Variants in ZNF695 observed in about 807,000 individuals in gnomAD.
The protein encoded by ZNF695 is zinc finger protein 695, also known as zinc finger protein SBZF3.
Under a neutral mutation model 11.2 loss-of-function variants are expected in ZNF695, and 11 were observed. The ratio of observed to expected loss-of-function variants is 0.98; its 90% CI spans 0.62 to 1.62. ZNF695 has a LOEUF of 1.62. Among genes scored for constraint, ZNF695 ranks in the 40% most tolerant of loss-of-function variants. ZNF695 has a pLI of 0.00. For synonymous variants in ZNF695, 190 were observed against 201.4 expected (o/e 0.94, Z 0.48); for missense variants, 559 against 590.5 (o/e 0.95, Z 0.55).
intron 5 of ZNF695, among the ~76,000 whole-genome samples, chr1:246,952,187 G>T (rs1409648483): frequency 6.6e-6 from 1 of 152,060 alleles, no homozygotes; most frequent in South Asian, 2.1e-4. Context: ...AGCCTCAAGT[G>T]ATCTGCCTGC....
intron 5 of ZNF695, among the ~76,000 whole-genome samples, chr1:246,956,302 T>G (rs1237593491): frequency 6.6e-6 from 1 of 151,598 alleles, no homozygotes; most frequent in Non-Finnish European, 1.5e-5. Flanking sequence ...GGATCATTAT[T>G]TTTAAAAAAA....
At chr1:246,945,678 G>T in exon 6 of ZNF695, 1 of 977,364 alleles carries the variant, frequency 1.0e-6, no homozygotes. Flanking sequence ...TAGATTCTGT[G>T]GGAGGCATGT....
intron 5 of ZNF695, among the ~76,000 whole-genome samples, chr1:246,957,149 G>A (rs1432490810): frequency 2.0e-5 from 3 of 152,104 alleles, no homozygotes. Context: ...TTGGGAGACC[G>A]AGGCCGGCAG....
chr1:246,989,347 A>G (rs1668957441), intron 3 of ZNF695, among the ~76,000 whole-genome samples: 1 of 152,234 alleles, frequency 6.6e-6, no homozygotes, highest in South Asian at 2.1e-4. Context: ...AGAAACAGCA[A>G]AAAGTTAAAA....
chr1:246,986,836 T>G lies in ZNF695; in HGVS notation c.*131A>C. 7.0e-7 allele frequency: 1 copy of G among 1,437,688 alleles called. No individual in the cohort carries two copies. Among genetic ancestry groups the G allele is most frequent in the Non-Finnish European group, 9.1e-7 (1 of 1,098,764 alleles). The allele number at this position is 1,437,688 out of a possible 1,614,324, so 89.1% of individuals were successfully genotyped here. ...TAAACATTTTAGTGCACTCAAAGGC[T>G]CATAGACTGTAAATGGCCTTTTGAC... On this transcript the variant is annotated 3_prime_UTR_variant, in exon 4 of 4. Transcript: ENST00000339986.
rs113370329 is a variant in ZNF695, at chr1:246,995,866, A to G, written c.259+3482T>C. Among the ~76,000 whole-genome samples, 919 of 151,300 alleles carry G rather than the reference A, an allele frequency of 6.1e-3. 11 individuals are homozygous for G. Among genetic ancestry groups the G allele is most frequent in the South Asian group, 0.016 (78 of 4,798 alleles). On this transcript the variant is annotated intron_variant, in intron 3 of 3. Transcript: ENST00000339986. ...GCTGCGGTAATTAAAACAGTTTGGT[A>G]TTGGCATAAAGGCAGACAGTTAGGT...
intron 5 of ZNF695, among the ~76,000 whole-genome samples, chr1:246,965,107 C>T (rs575530523): frequency 6.6e-6 from 1 of 152,184 alleles, no homozygotes; most frequent in African/African-American, 2.4e-5. Context: ...GTGGTTCACG[C>T]CTGTAATCCC....
intron 1 of ZNF695, among the ~76,000 whole-genome samples, chr1:247,004,189 C>T (rs574270586): frequency 2.2e-4 from 33 of 152,144 alleles, no homozygotes; most frequent in Non-Finnish European, 2.9e-4. Context: ...CCAGCCTGGG[C>T]GAGAGAGCGA....
chr1:246,949,886 G>A (rs150248459), intron 5 of ZNF695, among the ~76,000 whole-genome samples: 52 of 152,142 alleles, frequency 3.4e-4, no homozygotes, highest in African/African-American at 1.2e-3. Context: ...AAATATAATC[G>A]TATAAAAGTG....
chr1:246,987,578 G>A lies in ZNF695; in HGVS notation c.937C>T (p.Gln313Ter). The A allele has an allele frequency of 6.3e-7, 1 of 1,596,252 alleles. No homozygotes were observed. The highest frequency in any genetic ancestry group is 8.5e-7 in the Non-Finnish European group (1 of 1,173,404). The change falls in exon 4 of 4, where the codon CAA (glutamine) becomes TAA (stop). Residue 313 changes from glutamine (Q) to a stop codon, truncating the protein, a stop_gained. Transcript: ENST00000339986. LOFTEE classifies it low-confidence loss of function (END_TRUNC). Reference sequence around the variant, plus strand: ...TCTCTACTATGAATTCTCTTGTGTTGAGTAAGGTATGGGAACAACTTAAAG... The same window carrying A: ...TCTCTACTATGAATTCTCTTGTGTTAAGTAAGGTATGGGAACAACTTAAAG... ...KSFKLFPYLT[Q>*]HKRIHSREKP... is the part of the protein sequence containing the mutation.
intron 4 of ZNF695, among the ~76,000 whole-genome samples, chr1:246,973,948 C>T (rs943947207): frequency 6.6e-6 from 1 of 152,204 alleles, no homozygotes; most frequent in South Asian, 2.1e-4. Context: ...TCAGTATAAC[C>T]GTTCACTCCC....
intron 1 of ZNF695, among the ~76,000 whole-genome samples, chr1:247,007,052 C>G (rs1195908257): frequency 6.6e-6 from 1 of 152,114 alleles, no homozygotes; most frequent in Non-Finnish European, 1.5e-5. Context: ...TAATGGCAAC[C>G]GATCAATTAT....
intron 5 of ZNF695, among the ~76,000 whole-genome samples, chr1:246,948,756 C>T (rs1242363348): frequency 6.6e-6 from 1 of 152,176 alleles, no homozygotes; most frequent in Non-Finnish European, 1.5e-5. Flanking sequence ...AAGTTTATAA[C>T]CAGCAACAGG....
At chr1:246,959,299 AAAAAAAAAAAAATATATATATATATAT>A (rs1558304385) in intron 5 of ZNF695, among the ~76,000 whole-genome samples, 2 of 67,544 alleles carry the variant, frequency 3.0e-5, no homozygotes, top group African/African-American at 6.8e-5. Context: ...AAAAAAAAAA[AAAAAAAAAAAAATATATATATATATAT>A]ATATATATAT....
Position 246,974,147 on chromosome 1 carries a change from AACAAACAAACAAAC to A in ZNF695, c.391-6369_391-6356del, listed in dbSNP as rs1190403149. Among the ~76,000 whole-genome samples the A allele has an allele frequency of 1.9e-4, 21 of 111,442 alleles. No individual in the cohort carries two copies. The South Asian group carries it at 3.0e-3, about 16-fold the overall frequency. 73.1% of individuals were successfully genotyped at this position (111,442 alleles called of 152,430 possible). A position where few individuals can be genotyped will look rare whatever the true frequency, so the allele number is the denominator to read the frequency against. ...ATTGCCTAGCTTATTTGGAATAAAA[AACAAACAAACAAAC>A]AAAAAAAAACAAACAAAAAACAACA... On this transcript the variant is annotated intron_variant, in intron 4 of 5. Transcript: ENST00000487338.
At chr1:246,952,394 AG>A (rs1224535265) in intron 5 of ZNF695, among the ~76,000 whole-genome samples, 2 of 152,184 alleles carry the variant, frequency 1.3e-5, no homozygotes, top group Non-Finnish European at 2.9e-5. Flanking sequence ...GCAGTTTGCA[AG>A]TTGTTTTCCT....
intron 4 of ZNF695, among the ~76,000 whole-genome samples, chr1:246,972,845 G>T (rs1164318885): frequency 2.0e-5 from 3 of 151,520 alleles, no homozygotes; most frequent in Non-Finnish European, 4.4e-5. Context: ...AAACGCAAAA[G>T]AACACCGATT....
intron 4 of ZNF695, among the ~76,000 whole-genome samples, chr1:246,976,897 A>G (rs1264303165): frequency 1.3e-5 from 2 of 152,250 alleles, no homozygotes; most frequent in African/African-American, 4.8e-5. Context: ...ATTTGCCTCT[A>G]TAAAGTTCAG....
At chr1:246,947,944 T>C (rs907751261) in intron 5 of ZNF695, among the ~76,000 whole-genome samples, 4 of 152,204 alleles carry the variant, frequency 2.6e-5, no homozygotes, top group African/African-American at 7.2e-5. Flanking sequence ...CAGAGTTGTT[T>C]GCTGAGGCCA....
Sources: allele counts gnomAD v4.1 joint callset (sites outside exome capture counted in the v4.1 genomes callset), GRCh38; gene constraint gnomAD v4.1.1; transcripts MANE v1.5; gene names NCBI Gene and HGNC (gene_info 2026-07-23, HGNC 2026-07-21).